MICU3: variants seen among roughly 807,000 people sequenced by gnomAD.
MICU3 encodes calcium uptake protein 3, mitochondrial.
In MICU3, 62 loss-of-function variants were observed where a neutral mutation model predicts 66.5. That is an observed-to-expected ratio of 0.93 (90% CI 0.76 to 1.15). The LOEUF is 1.15. MICU3 is among the 50% of genes most tolerant of loss of function. MICU3 has a pLI of 0.00. For missense variants in MICU3, 779 were observed against 664.4 expected, an observed-to-expected ratio of 1.17 and a Z score of -1.90; for synonymous variants, 308 against 240.7, an observed-to-expected ratio of 1.28 and a Z score of -2.59.
rs561816745 is a variant in MICU3 at position 17,028,102 on chromosome 8, C to G, written c.381+442C>G. On this transcript the variant is annotated intron_variant, in intron 1 of 14. Transcript: ENST00000318063. ...CGGTCTGAGATCTCAAAAGCCACTA[C>G]TTTAGCATATGAGAATTTATTAGTC... Among the ~76,000 whole-genome samples, 8 of 152,276 alleles carry G rather than the reference C, an allele frequency of 5.3e-5. No homozygotes were observed. In the South Asian group the frequency reaches 1.7e-3, roughly 32 times the overall value.
chr8:17,102,566 A>C (rs1158799349), intron 9 of MICU3: 1 of 151,984 alleles, frequency 6.6e-6, no homozygotes, highest in East Asian at 1.9e-4. Flanking sequence ...GTTCTATTAG[A>C]GCAGGCTGCC....
intron 2 of MICU3, 39 bp from the exon 3 acceptor site, chr8:17,069,649 G>T: frequency 7.8e-7 from 1 of 1,278,384 alleles, no homozygotes; most frequent in Non-Finnish European, 1.1e-6. Context: ...ATTCCATGAA[G>T]TATTTATTAT....
At chr8:17,076,941 C>G (rs1820472762) in intron 3 of MICU3, among the ~76,000 whole-genome samples, 1 of 152,168 alleles carries the variant, frequency 6.6e-6, no homozygotes, top group Non-Finnish European at 1.5e-5. Flanking sequence ...TTTGTTGTTT[C>G]AAATTATTTC....
the MICU3 span, among the ~76,000 whole-genome samples, chr8:17,130,807 T>A: frequency 6.6e-6 from 1 of 152,040 alleles, no homozygotes; most frequent in Non-Finnish European, 1.5e-5. Flanking sequence ...TAGAATAAAA[T>A]AGCAAAGTGA....
chr8:17,073,829 A>G (rs1056525119), intron 3 of MICU3, among the ~76,000 whole-genome samples: 4 of 152,210 alleles, frequency 2.6e-5, no homozygotes, highest in African/African-American at 9.6e-5. Flanking sequence ...GTGAAAATGA[A>G]TAAATACATT....
chr8:17,049,338 G>A (rs1718099424), intron 1 of MICU3, among the ~76,000 whole-genome samples: 1 of 152,130 alleles, frequency 6.6e-6, no homozygotes, highest in South Asian at 2.1e-4. Flanking sequence ...TAGTGCCACA[G>A]AGGTTCTAGA....
downstream of MICU3, among the ~76,000 whole-genome samples, chr8:17,123,960 A>C (rs1057289075): frequency 6.6e-6 from 1 of 151,140 alleles, no homozygotes; most frequent in Admixed American, 6.6e-5. Context: ...AAAAAAAAAA[A>C]AAAAACCACC....
chr8:17,027,384 C>A lies in MICU3; in HGVS notation c.105C>A (p.Thr35=), dbSNP rs773260307. The A allele has an allele frequency of 1.4e-6, 2 of 1,454,862 alleles. No homozygotes were observed. Among genetic ancestry groups the A allele is most frequent in the Admixed American group, 2.7e-5 (1 of 37,424 alleles). The allele number at this position is 1,454,862 out of a possible 1,614,324, so 90.1% of individuals were successfully genotyped here. ...CGTGGGGGCGGCCTGCGGTGACCAC[C>A]CTGGGCCTTCCTGGCCGGCCCTTCT... The part of the protein sequence containing the change: ...LGPWGRPAVT[T]LGLPGRPFSS... The change falls in exon 1 of 15, where the codon ACC becomes ACA. Residue 35 remains threonine, a synonymous_variant. Transcript: ENST00000318063.
At chr8:17,130,101 A>C in the MICU3 span, among the ~76,000 whole-genome samples, 1 of 152,252 alleles carries the variant, frequency 6.6e-6, no homozygotes, top group Admixed American at 6.5e-5. Context: ...ACACTGGAAG[A>C]GTTAAAAGAA....
intron 1 of MICU3, among the ~76,000 whole-genome samples, chr8:17,046,978 A>G (rs1016804530): frequency 6.6e-6 from 1 of 152,170 alleles, no homozygotes; most frequent in Non-Finnish European, 1.5e-5. Flanking sequence ...CACTGGCCAT[A>G]TGTGATTCCT....
intron 1 of MICU3, among the ~76,000 whole-genome samples, chr8:17,047,402 A>G (rs1326951738): frequency 6.6e-6 from 1 of 152,228 alleles, no homozygotes; most frequent in Non-Finnish European, 1.5e-5. Flanking sequence ...TTCATCTATT[A>G]GGGGTTACAG....
At chr8:17,135,250 T>A in the MICU3 span, among the ~76,000 whole-genome samples, 2 of 152,050 alleles carry the variant, frequency 1.3e-5, no homozygotes, top group Non-Finnish European at 2.9e-5. Context: ...AATACCAAAA[T>A]TAGCCAGGTG....
rs369209915 is a variant in MICU3 at position 17,082,830 on chromosome 8, C to T, written c.694+1090C>T. ...AACTTTGTAACTTAGCGAGGAATGA[C>T]GTTAACATTGAGTTCTGTTACAGTA... On this transcript the variant is annotated intron_variant, in intron 5 of 14. Transcript: ENST00000318063. 9.9e-5 allele frequency among the ~76,000 whole-genome samples: 15 copies of T among 152,108 alleles called. No individual in the cohort carries two copies. The East Asian group carries it at 1.7e-3, about 18-fold the overall frequency.
intron 4 of MICU3, 136 bp downstream of exon 4, chr8:17,077,997 A>G: frequency 2.2e-6 from 1 of 446,472 alleles, no homozygotes; most frequent in East Asian, 3.5e-5. Context: ...GAAGAAGAAA[A>G]CAGCAAAATA....
chr8:17,114,855 C>T (rs1585565875), intron 12 of MICU3, among the ~76,000 whole-genome samples: 1 of 152,288 alleles, frequency 6.6e-6, no homozygotes, highest in East Asian at 1.9e-4. Flanking sequence ...CGCGGTGGCT[C>T]ACGCCTGTAA....
At chr8:17,136,134 A>T in the MICU3 span, among the ~76,000 whole-genome samples, 1 of 152,094 alleles carries the variant, frequency 6.6e-6, no homozygotes, top group Admixed American at 6.6e-5. Flanking sequence ...AGCTAGTATC[A>T]TCATCATGGT....
At chr8:17,076,183 A>C (rs142260393) in intron 3 of MICU3, among the ~76,000 whole-genome samples, 56 of 151,982 alleles carry the variant, frequency 3.7e-4, no homozygotes, top group Non-Finnish European at 6.9e-4. Flanking sequence ...GAACGCCACC[A>C]TGCCCAGCTA....
chr8:17,136,896 G>C, the MICU3 span, among the ~76,000 whole-genome samples: 7 of 150,708 alleles, frequency 4.6e-5, no homozygotes, highest in Admixed American at 2.7e-4. Context: ...GTGCAATGGC[G>C]TGATCTCAGC....
chr8:17,120,041 T>A (rs1454284584), intron 14 of MICU3, among the ~76,000 whole-genome samples: 1 of 152,192 alleles, frequency 6.6e-6, no homozygotes, highest in Non-Finnish European at 1.5e-5. Context: ...CTGGCACCAC[T>A]GATTCTAAGT....
Sources: allele counts gnomAD v4.1 joint callset (sites outside exome capture counted in the v4.1 genomes callset), GRCh38; gene constraint gnomAD v4.1.1; transcripts MANE v1.5; gene names NCBI Gene and HGNC (gene_info 2026-07-23, HGNC 2026-07-21).